Variants in SCAI observed in about 807,000 individuals in gnomAD.
The protein encoded by SCAI is suppressor of cancer cell invasion, also known as protein SCAI.
Under a neutral mutation model 92.2 loss-of-function variants are expected in SCAI, and 24 were observed. The observed-to-expected ratio is 0.26, with a 90% confidence interval of 0.19 to 0.37. SCAI has a LOEUF of 0.37. Among genes scored for constraint, SCAI ranks in the 10% least tolerant of loss-of-function variants. The pLI, the probability that SCAI is intolerant of heterozygous loss-of-function variation, is 1.00. For synonymous variants in SCAI, 261 were observed against 258.6 expected, an observed-to-expected ratio of 1.01 and a Z score of -0.09; for missense variants, 450 against 736.2, an observed-to-expected ratio of 0.61 and a Z score of 4.50.
chr9:125,005,658 A>G (rs907071161), intron 9 of SCAI, among the ~76,000 whole-genome samples: 5 of 152,150 alleles, frequency 3.3e-5, no homozygotes, highest in Non-Finnish European at 5.9e-5. Context: ...GAAGGGGAAG[A>G]GGTTTAAGGA....
intron 2 of SCAI, among the ~76,000 whole-genome samples, chr9:125,105,563 T>C (rs1389757561): frequency 1.3e-5 from 2 of 152,162 alleles, no homozygotes; most frequent in Non-Finnish European, 2.9e-5. Context: ...AGGTTCCAAA[T>C]CTCTATAATT....
intron 9 of SCAI, among the ~76,000 whole-genome samples, chr9:125,016,052 G>T (rs1832751023): frequency 1.0e-5 from 1 of 96,566 alleles, no homozygotes. Context: ...AGGGGGGAGG[G>T]ATAGCTTTAG....
chr9:125,042,634 T>TGTGTGTGTGTGTGTGTACACAC (rs761672178), intron 3 of SCAI, among the ~76,000 whole-genome samples: 6 of 96,192 alleles, frequency 6.2e-5, no homozygotes, highest in Non-Finnish European at 8.1e-5. Flanking sequence ...TGTGTGTGTG[T>TGTGTGTGTGTGTGTGTACACAC]ACACACACAC....
At chr9:125,042,634 T>TACAC (rs1554783862) in intron 3 of SCAI, among the ~76,000 whole-genome samples, 1,133 of 96,188 alleles carry the variant, frequency 0.012, 24 homozygotes, top group East Asian at 0.029. Context: ...TGTGTGTGTG[T>TACAC]ACACACACAC....
chr9:124,959,978 T>C (rs1430066449), intron 17 of SCAI, among the ~76,000 whole-genome samples: 2 of 152,076 alleles, frequency 1.3e-5, no homozygotes, highest in Admixed American at 1.3e-4. Context: ...CTACTGTGAA[T>C]AGTGCCGCAA....
chr9:124,988,936 G>A (rs1004973625), intron 14 of SCAI, among the ~76,000 whole-genome samples: 1 of 151,940 alleles, frequency 6.6e-6, no homozygotes, highest in Non-Finnish European at 1.5e-5. Context: ...TCAGGAGTTC[G>A]AGAACAGCCT....
intron 2 of SCAI, among the ~76,000 whole-genome samples, chr9:125,117,442 G>T (rs1330385365): frequency 6.6e-6 from 1 of 152,044 alleles, no homozygotes; most frequent in Admixed American, 6.6e-5. Flanking sequence ...GAGGTGGGTA[G>T]ATCACCTGAG....
intron 9 of SCAI, among the ~76,000 whole-genome samples, chr9:125,014,770 G>A (rs1410669171): frequency 6.6e-6 from 1 of 152,152 alleles, no homozygotes; most frequent in Non-Finnish European, 1.5e-5. Context: ...CACGCTACCT[G>A]ACTTCAAACT....
At position 125,063,720 on chromosome 9, in the gene SCAI, T is replaced by C. The variant is rs74342509; in HGVS notation, c.99-7713A>G. On this transcript the variant is annotated intron_variant, in intron 2 of 17. Coordinates refer to ENST00000336505, the MANE Select transcript of SCAI (RefSeq NM_001144877.3). ...CATAGATGAGAAGAATATTCCCTAG[T>C]GACAAAGTGTTCAGGTCAATATATC... Among the ~76,000 whole-genome samples, 427 of 151,088 alleles carry C rather than the reference T, an allele frequency of 2.8e-3. 5 individuals carry two copies. The highest frequency in any genetic ancestry group is 1.0e-2 in the African/African-American group (412 of 41,338).
intron 2 of SCAI, among the ~76,000 whole-genome samples, chr9:125,077,747 C>A (rs539340411): frequency 1.2e-4 from 18 of 152,186 alleles, no homozygotes; most frequent in South Asian, 6.2e-4. Flanking sequence ...GAGATGGAGT[C>A]TTGCTCTGTC....
rs1832811567 is a variant in SCAI at position 125,018,704 on chromosome 9, G to A, written c.861+95C>T. ...TTAATCAGCAATTTCCTCACAAGAG[G>A]ATGTTAGGATATTTATAAGAAAATA... On this transcript the variant is annotated intron_variant, in intron 9 of 17. Coordinates refer to ENST00000336505, the MANE Select transcript of SCAI (RefSeq NM_001144877.3). 6.7e-6 allele frequency: 7 copies of A among 1,044,506 alleles called. No individual in the cohort carries two copies. In the Admixed American group the frequency reaches 7.1e-5, roughly 11 times the overall value. The allele number at this position is 1,044,506 out of a possible 1,614,324, so 64.7% of individuals were successfully genotyped here.
intron 2 of SCAI, among the ~76,000 whole-genome samples, chr9:125,139,569 A>G (rs1835617107): frequency 6.6e-6 from 1 of 152,246 alleles, no homozygotes; most frequent in Non-Finnish European, 1.5e-5. Context: ...TTAAAAGTAG[A>G]CATTTAATAG....
At chr9:124,977,660 C>A (rs934427563) in intron 14 of SCAI, among the ~76,000 whole-genome samples, 4 of 152,106 alleles carry the variant, frequency 2.6e-5, no homozygotes, top group Admixed American at 2.6e-4. Flanking sequence ...CGCAACAGAG[C>A]GAGACCCTGT....
chr9:125,009,759 G>A (rs1832591640), intron 9 of SCAI, among the ~76,000 whole-genome samples: 1 of 151,890 alleles, frequency 6.6e-6, no homozygotes, highest in African/African-American at 2.4e-5. Flanking sequence ...CCACTGTGAT[G>A]GCACATGCCT....
intron 2 of SCAI, among the ~76,000 whole-genome samples, chr9:125,096,112 A>G (rs1300352486): frequency 6.6e-6 from 1 of 152,190 alleles, no homozygotes; most frequent in East Asian, 1.9e-4. Context: ...CACTGTTGAT[A>G]AAGACATACC....
intron 2 of SCAI, among the ~76,000 whole-genome samples, chr9:125,065,071 G>A (rs973619980): frequency 6.6e-6 from 1 of 151,890 alleles, no homozygotes; most frequent in Non-Finnish European, 1.5e-5. Flanking sequence ...GCCAATAAGA[G>A]CAGCCAATTA....
At chr9:125,024,158 T>C (rs1336997785) in intron 6 of SCAI, among the ~76,000 whole-genome samples, 1 of 151,644 alleles carries the variant, frequency 6.6e-6, no homozygotes, top group African/African-American at 2.4e-5. Flanking sequence ...CTACCTTTTA[T>C]TGTTTCTTCT....
intron 2 of SCAI, among the ~76,000 whole-genome samples, chr9:125,114,517 C>T (rs772024076): frequency 1.3e-5 from 2 of 152,088 alleles, no homozygotes; most frequent in South Asian, 2.1e-4. Context: ...ACTGGTACAA[C>T]CATTTCAGAA....
At chr9:125,078,302 G>A (rs976094560) in intron 2 of SCAI, among the ~76,000 whole-genome samples, 1 of 152,208 alleles carries the variant, frequency 6.6e-6, no homozygotes, top group African/African-American at 2.4e-5. Flanking sequence ...CGAGGTAAGC[G>A]GATCACCTAA....
Sources: gnomAD v4.1 joint callset for allele counts (sites outside exome capture counted in the v4.1 genomes callset) on GRCh38, gnomAD v4.1.1 for gene constraint, MANE v1.5 for transcripts, NCBI Gene and HGNC (gene_info 2026-07-23, HGNC 2026-07-21) for gene names.